LYZL4: variants seen among roughly 807,000 people sequenced by gnomAD.
LYZL4 encodes the protein lysozyme like 4.
A neutral mutation model predicts 17.6 loss-of-function variants in LYZL4; 13 were observed. The observed-to-expected ratio is 0.74, with a 90% CI of 0.48 to 1.18. The LOEUF is 1.18. LYZL4 is among the 50% of genes most tolerant of loss of function. LYZL4 has a pLI of 0.00. For missense variants in LYZL4, 174 were observed against 188.2 expected, an observed-to-expected ratio of 0.92 and a Z score of 0.44; for synonymous variants, 64 against 67.7, an observed-to-expected ratio of 0.95 and a Z score of 0.27.
chr3:42,405,135 G>A lies in LYZL4; in HGVS notation c.293-1011C>T, dbSNP rs372542603. Among the ~76,000 whole-genome samples, 29 of 151,936 alleles carry A rather than the reference G, an allele frequency of 1.9e-4. No individual in the cohort carries two copies. In the South Asian group the frequency reaches 4.0e-3, roughly 21 times the overall value. Reference sequence around the variant, plus strand: ...GCGATCTGGGCTCACTGCAAGCTCCGCCTCCCAGGTTCACGCCATTCTCCT... The same window carrying A: ...GCGATCTGGGCTCACTGCAAGCTCCACCTCCCAGGTTCACGCCATTCTCCT... On this transcript the variant is annotated intron_variant, in intron 3 of 4. Transcript: ENST00000287748.
chr3:42,365,962 C>T, the LYZL4 span, among the ~76,000 whole-genome samples: 1 of 152,186 alleles, frequency 6.6e-6, no homozygotes, highest in Non-Finnish European at 1.5e-5. Flanking sequence ...TCCAAGCCCT[C>T]TACCTCCAAT....
chr3:42,410,166 C>A (rs1698838051), intron 1 of LYZL4, among the ~76,000 whole-genome samples: 1 of 152,214 alleles, frequency 6.6e-6, no homozygotes, highest in Non-Finnish European at 1.5e-5. Flanking sequence ...CTCTCCCATA[C>A]CTGAGTGTAA....
the LYZL4 span, among the ~76,000 whole-genome samples, chr3:42,389,766 A>T: frequency 1.3e-5 from 2 of 152,180 alleles, no homozygotes; most frequent in Non-Finnish European, 2.9e-5. Flanking sequence ...TATTGGTCTC[A>T]GTCAGGTCCT....
At chr3:42,366,274 CT>C in the LYZL4 span, among the ~76,000 whole-genome samples, 2 of 152,158 alleles carry the variant, frequency 1.3e-5, no homozygotes, top group African/African-American at 4.8e-5. Flanking sequence ...TTGACCTGAT[CT>C]TTTCAGAATC....
In LYZL4 at chr3:42,406,974, C is replaced by T. The variant is rs766398384; in HGVS notation, c.164G>A (p.Ser55Asn). 1.2e-6 allele frequency: 2 copies of T among 1,614,200 alleles called. No individual in the cohort carries two copies. The highest frequency in any genetic ancestry group is 2.2e-5 in the South Asian group (2 of 91,080). Reference protein sequence around the residue: ...ENWVCLAYFESKFNPMAIYEN... With the variant: ...ENWVCLAYFENKFNPMAIYEN... ...GTAGATGGCCATGGGGTTGAACTTGCTCTCGAAGTAGGCCAGGCACACCCC... is the reference window on the plus strand; with the variant it reads ...GTAGATGGCCATGGGGTTGAACTTGTTCTCGAAGTAGGCCAGGCACACCCC... The change falls in exon 3 of 5, where the codon AGC (serine) becomes AAC (asparagine). Residue 55 changes from serine to asparagine, a missense_variant. Ser to Asn is a conservative substitution (Grantham distance 46). Coordinates refer to ENST00000287748, the MANE Select transcript of LYZL4 (RefSeq NM_144634.4).
At chr3:42,401,218 TA>T (rs920074503) in intron 4 of LYZL4, among the ~76,000 whole-genome samples, 28 of 152,198 alleles carry the variant, frequency 1.8e-4, no homozygotes, top group African/African-American at 6.0e-4. Context: ...TCTTTATTAA[TA>T]TTTTTTTTTG....
chr3:42,410,110 A>G (rs957538724), intron 1 of LYZL4, among the ~76,000 whole-genome samples: 7 of 152,178 alleles, frequency 4.6e-5, no homozygotes, highest in Non-Finnish European at 7.3e-5. Context: ...ATTAATCAAT[A>G]TCAGGAATTC....
chr3:42,393,840 G>T (rs1698519276), downstream of LYZL4, among the ~76,000 whole-genome samples: 1 of 152,146 alleles, frequency 6.6e-6, no homozygotes, highest in Non-Finnish European at 1.5e-5. Context: ...CGCTCAGGCT[G>T]GAGCGCAGTG....
chr3:42,380,842 C>T, the LYZL4 span, among the ~76,000 whole-genome samples: 1 of 152,222 alleles, frequency 6.6e-6, no homozygotes, highest in African/African-American at 2.4e-5. Context: ...GGGCTGGGCC[C>T]TGGGTCTTAT....
the LYZL4 span, among the ~76,000 whole-genome samples, chr3:42,385,678 T>A: frequency 6.6e-6 from 1 of 152,220 alleles, no homozygotes; most frequent in Non-Finnish European, 1.5e-5. Flanking sequence ...ATTCAAATGC[T>A]ACCCTCACCA....
the LYZL4 span, among the ~76,000 whole-genome samples, chr3:42,388,593 G>T: frequency 0.011 from 1,686 of 152,320 alleles, 14 homozygotes; most frequent in Non-Finnish European, 0.015. Flanking sequence ...GAGATGCTCA[G>T]CACTAGAGAG....
chr3:42,365,929 A>G, the LYZL4 span, among the ~76,000 whole-genome samples: 1 of 152,196 alleles, frequency 6.6e-6, no homozygotes, highest in Non-Finnish European at 1.5e-5. Context: ...TAAAACAGCT[A>G]CTTAGAAGTT....
the LYZL4 span, among the ~76,000 whole-genome samples, chr3:42,374,195 G>T: frequency 2.6e-5 from 4 of 152,238 alleles, no homozygotes; most frequent in Non-Finnish European, 5.9e-5. Flanking sequence ...TGCATTGAAA[G>T]CTCAGGAATT....
intron 4 of LYZL4, among the ~76,000 whole-genome samples, chr3:42,397,634 AC>A (rs942216310): frequency 8.6e-5 from 13 of 152,034 alleles, no homozygotes; most frequent in African/African-American, 3.1e-4. Context: ...TTCTCCCCCA[AC>A]CCTGCAACGG....
At chr3:42,396,819 C>T (rs752991649), downstream of LYZL4, among the ~76,000 whole-genome samples, 83 of 152,216 alleles carry the variant, frequency 5.5e-4, no homozygotes, top group Non-Finnish European at 1.0e-3. Context: ...CTCTCCCTTC[C>T]CCGTGTGTCC....
At chr3:42,361,246 G>C in the LYZL4 span, among the ~76,000 whole-genome samples, 2 of 152,030 alleles carry the variant, frequency 1.3e-5, no homozygotes, top group African/African-American at 4.8e-5. Context: ...TCTGCAGCTT[G>C]ATTTTTTCCA....
chr3:42,407,414 C>A, intron 1 of LYZL4, 71 bp from the exon 2 acceptor site: 1 of 818,602 alleles, frequency 1.2e-6, no homozygotes, highest in East Asian at 2.7e-5. Flanking sequence ...TAAGCCATGA[C>A]ACTTCTTCCC....
the LYZL4 span, among the ~76,000 whole-genome samples, chr3:42,385,654 C>A: frequency 2.0e-5 from 3 of 152,112 alleles, no homozygotes; most frequent in Non-Finnish European, 4.4e-5. Flanking sequence ...TTATGGGGAC[C>A]ACAAAGAGCC....
chr3:42,372,685 G>A, the LYZL4 span, among the ~76,000 whole-genome samples: 1 of 152,238 alleles, frequency 6.6e-6, no homozygotes, highest in South Asian at 2.1e-4. Flanking sequence ...GGCTGCTGGG[G>A]AGTGGGGCTT....
Sources: gnomAD v4.1 joint callset for allele counts (sites outside exome capture counted in the v4.1 genomes callset) on GRCh38, gnomAD v4.1.1 for gene constraint, MANE v1.5 for transcripts, NCBI Gene and HGNC (gene_info 2026-07-23, HGNC 2026-07-21) for gene names.